ARL15: variants seen among roughly 807,000 people sequenced by gnomAD.
The protein encoded by ARL15 is ARF like GTPase 15.
In ARL15, 19 loss-of-function variants were observed where a neutral mutation model predicts 25.2. That is an observed-to-expected ratio of 0.75 (90% CI 0.53 to 1.10). The LOEUF (loss-of-function observed/expected upper bound fraction) is 1.10. Among genes scored for constraint, ARL15 ranks in the 50% least tolerant of loss-of-function variants. The probability of loss-of-function intolerance (pLI) is 0.00; values close to 1 mark genes in which losing one functional copy is unlikely to be tolerated. For missense variants in ARL15, 220 were observed against 246.0 expected, an observed-to-expected ratio of 0.89 and a Z score of 0.71; for synonymous variants, 94 against 86.8, an observed-to-expected ratio of 1.08 and a Z score of -0.46.
intron 4 of ARL15, among the ~76,000 whole-genome samples, chr5:54,001,383 AC>A (rs1748844926): frequency 6.6e-6 from 1 of 152,064 alleles, no homozygotes; most frequent in Admixed American, 6.5e-5. Flanking sequence ...TAAAGTCAAT[AC>A]CCCACTCTAG....
At chr5:53,916,293 T>TTAA (rs5867901) in intron 4 of ARL15, among the ~76,000 whole-genome samples, 20 of 141,912 alleles carry the variant, frequency 1.4e-4, no homozygotes, top group Admixed American at 1.1e-3. Flanking sequence ...AATGTAATAT[T>TTAA]AAAAAAAAAA....
At chr5:53,919,095 ACCTC>A (rs1201721131) in intron 4 of ARL15, among the ~76,000 whole-genome samples, 1 of 151,804 alleles carries the variant, frequency 6.6e-6, no homozygotes, top group Non-Finnish European at 1.5e-5. Flanking sequence ...CCCTCATAAC[ACCTC>A]CCTATCAAGG....
chr5:54,037,805 C>G (rs928051682), intron 4 of ARL15, among the ~76,000 whole-genome samples: 1 of 151,804 alleles, frequency 6.6e-6, no homozygotes, highest in Admixed American at 6.6e-5. Context: ...ATTTGCAACT[C>G]AAGGGGACAT....
intron 1 of ARL15, among the ~76,000 whole-genome samples, chr5:54,267,641 TA>T (rs899648724): frequency 1.1e-4 from 17 of 151,058 alleles, no homozygotes; most frequent in African/African-American, 2.9e-4. Context: ...TTACTTTTTT[TA>T]AAAAAAAAAG....
intron 4 of ARL15, among the ~76,000 whole-genome samples, chr5:54,094,886 C>G (rs1450163776): frequency 6.6e-6 from 1 of 152,152 alleles, no homozygotes; most frequent in Non-Finnish European, 1.5e-5. Context: ...AACAAAGATA[C>G]CTGCCCAATG....
At chr5:54,000,360 A>C (rs917178661) in intron 4 of ARL15, among the ~76,000 whole-genome samples, 2 of 152,196 alleles carry the variant, frequency 1.3e-5, no homozygotes, top group Non-Finnish European at 1.5e-5. Context: ...AATGGACATC[A>C]CGTCTGCCTG....
intron 1 of ARL15, among the ~76,000 whole-genome samples, chr5:54,269,896 C>T (rs56854461): frequency 0.12 from 17,673 of 152,190 alleles, 1,308 homozygotes; most frequent in East Asian, 0.41. Context: ...CCACCTGCCT[C>T]GGTCTCCCAA....
Position 54,102,066 on chromosome 5 carries a change from G to A in ARL15, c.462+11136C>T, listed in dbSNP as rs146037651. On this transcript the variant is annotated intron_variant, in intron 4 of 4. Transcript: ENST00000504924. Reference sequence around the variant, plus strand: ...CTCACTCTGTCACTTAGACTGGAGTGCAGTGATGAGATCTTGGCTCACTGC... The same window carrying A: ...CTCACTCTGTCACTTAGACTGGAGTACAGTGATGAGATCTTGGCTCACTGC... Among the ~76,000 whole-genome samples the A allele has an allele frequency of 6.0e-3, 902 of 149,444 alleles. 10 individuals are homozygous for A. The highest frequency in any genetic ancestry group is 0.021 in the African/African-American group (866 of 40,486).
intron 1 of ARL15, among the ~76,000 whole-genome samples, chr5:54,206,058 A>T (rs1278286354): frequency 6.6e-6 from 1 of 152,156 alleles, no homozygotes; most frequent in Non-Finnish European, 1.5e-5. Context: ...GATTAAGAGA[A>T]CTGGACAGGA....
At chr5:54,107,868 T>C (rs1752634678) in intron 4 of ARL15, among the ~76,000 whole-genome samples, 2 of 152,258 alleles carry the variant, frequency 1.3e-5, no homozygotes, top group South Asian at 2.1e-4. Context: ...TATTTGCTCA[T>C]GGAAATTTTG....
intron 4 of ARL15, among the ~76,000 whole-genome samples, chr5:54,110,692 A>C (rs1369029418): frequency 6.6e-6 from 1 of 152,072 alleles, no homozygotes; most frequent in Non-Finnish European, 1.5e-5. Context: ...CACCTTTAGG[A>C]AAGAGAGAAT....
rs187958890 is a variant in ARL15 at position 54,233,209 on chromosome 5, G to A, written c.49-61281C>T. ...TACATACAAAACATTTCTGCTCTAT[G>A]TAAAAGTCTAAGGGTTGTCTCAAGG... On this transcript the variant is annotated intron_variant, in intron 1 of 4. Coordinates refer to ENST00000504924, the MANE Select transcript of ARL15 (RefSeq NM_019087.3). Among the ~76,000 whole-genome samples, 38 of 152,266 alleles carry A rather than the reference G, an allele frequency of 2.5e-4. 1 individual carries two copies. In the East Asian group the frequency reaches 7.1e-3, roughly 29 times the overall value.
chr5:54,006,172 T>C (rs1463833584), intron 4 of ARL15, among the ~76,000 whole-genome samples: 1 of 152,030 alleles, frequency 6.6e-6, no homozygotes, highest in Non-Finnish European at 1.5e-5. Flanking sequence ...GTTCCATCCA[T>C]GGTCTTAGTG....
At chr5:54,057,380 T>C (rs1561206041) in intron 4 of ARL15, among the ~76,000 whole-genome samples, 2 of 152,212 alleles carry the variant, frequency 1.3e-5, no homozygotes, top group Non-Finnish European at 2.9e-5. Context: ...ACCATAAGAC[T>C]GGTAACATAT....
At chr5:54,061,881 C>T (rs1311459897) in intron 4 of ARL15, among the ~76,000 whole-genome samples, 2 of 152,180 alleles carry the variant, frequency 1.3e-5, no homozygotes. Context: ...ACACCTTGCA[C>T]CCGGATAAGC....
intron 1 of ARL15, among the ~76,000 whole-genome samples, chr5:54,268,077 C>A (rs1435471926): frequency 6.6e-6 from 1 of 151,832 alleles, no homozygotes; most frequent in African/African-American, 2.4e-5. Context: ...CAATTTGGTT[C>A]CATTCTCCCC....
chr5:54,199,355 C>A (rs1561263460), intron 1 of ARL15, among the ~76,000 whole-genome samples: 1 of 151,562 alleles, frequency 6.6e-6, no homozygotes, highest in South Asian at 2.1e-4. Context: ...TCAGAGTGAA[C>A]AGGCAACCCA....
intron 1 of ARL15, among the ~76,000 whole-genome samples, chr5:54,217,127 A>C (rs757949470): frequency 3.9e-5 from 6 of 151,982 alleles, no homozygotes; most frequent in Non-Finnish European, 5.9e-5. Flanking sequence ...AGGAAGATTT[A>C]TCCTCCCAAA....
At chr5:54,244,284 T>C (rs909455130) in intron 1 of ARL15, among the ~76,000 whole-genome samples, 2 of 152,208 alleles carry the variant, frequency 1.3e-5, no homozygotes, top group African/African-American at 4.8e-5. Flanking sequence ...GACAAACTAA[T>C]GTAATTCACA....
Sources: allele counts gnomAD v4.1 joint callset (sites outside exome capture counted in the v4.1 genomes callset), GRCh38; gene constraint gnomAD v4.1.1; transcripts MANE v1.5; gene names NCBI Gene and HGNC (gene_info 2026-07-23, HGNC 2026-07-21).